The following SLC5A1 variants were observed in gnomAD, a reference collection of about 807,000 sequenced individuals.
The protein encoded by SLC5A1 is solute carrier family 5 member 1, also known as sodium/glucose cotransporter 1.
A neutral mutation model predicts 73.5 loss-of-function variants in SLC5A1; 42 were observed. The ratio of observed to expected loss-of-function variants is 0.57; its 90% confidence interval spans 0.45 to 0.74. The LOEUF is 0.74. Ranked by LOEUF, SLC5A1 falls within the 30% of genes least tolerant of loss-of-function variation. The pLI, the probability that SLC5A1 is intolerant of heterozygous loss-of-function variation, is 0.00. For synonymous variants in SLC5A1, 300 were observed against 317.4 expected (o/e 0.95, Z 0.58); for missense variants, 634 against 855.4 (o/e 0.74, Z 3.23).
At chr22:32,087,666 T>C (rs2094010418) in intron 10 of SLC5A1, among the ~76,000 whole-genome samples, 1 of 152,186 alleles carries the variant, frequency 6.6e-6, no homozygotes, top group Non-Finnish European at 1.5e-5. Flanking sequence ...TACAGTCATG[T>C]TTCAGAAAAA....
At chr22:32,071,678 C>T (rs1204253832) in intron 5 of SLC5A1, among the ~76,000 whole-genome samples, 1 of 151,950 alleles carries the variant, frequency 6.6e-6, no homozygotes, top group Admixed American at 6.6e-5. Flanking sequence ...CAGTTTTTCT[C>T]TCTCTTGTTG....
rs2094030394 is a variant in SLC5A1 at position 32,098,746 on chromosome 22, G to C, written c.1281-437G>C. 2.0e-5 allele frequency among the ~76,000 whole-genome samples: 3 copies of C among 152,196 alleles called. No individual in the cohort carries two copies. In the South Asian group the frequency reaches 6.2e-4, roughly 32 times the overall value. On this transcript the variant is annotated intron_variant, in intron 11 of 14. Coordinates refer to ENST00000266088, the MANE Select transcript of SLC5A1 (RefSeq NM_000343.4). ...TTTGCTGCTGGTAGTGGTGGTGGTG[G>C]TAGTGTGTATATGTATGTATGCATA...
intron 14 of SLC5A1, 88 bp from the exon 15 acceptor site, chr22:32,109,902 A>G: frequency 1.0e-6 from 1 of 963,842 alleles, no homozygotes; most frequent in Admixed American, 1.8e-5. Context: ...GCAGAATAGC[A>G]GATGCTTCAT....
At position 32,110,125 on chromosome 22, in the gene SLC5A1, C is replaced by T; in HGVS notation, c.1907C>T (p.Ser636Phe). Residue 636 changes from serine to phenylalanine, a missense_variant, in exon 15 of 15, where the codon TCT becomes TTT. Physicochemically the swap from Ser to Phe is radical, Grantham distance 155. Coordinates refer to ENST00000266088, the MANE Select transcript of SLC5A1 (RefSeq NM_000343.4). ...KAMKMKMTDT[S>F]EKPLWRTVLN... is the part of the protein sequence containing the mutation. Reference sequence around the variant, plus strand: ...ATGAAGATGAAGATGACGGACACCTCTGAGAAGCCTTTGTGGAGGACAGTG... The same window carrying T: ...ATGAAGATGAAGATGACGGACACCTTTGAGAAGCCTTTGTGGAGGACAGTG... 1 of 1,614,176 alleles carries T rather than the reference C, an allele frequency of 6.2e-7. No individual in the cohort carries two copies. Among genetic ancestry groups the T allele is most frequent in the South Asian group, 1.1e-5 (1 of 91,088 alleles).
At chr22:32,090,954 T>C (rs919215513) in intron 10 of SLC5A1, among the ~76,000 whole-genome samples, 4 of 152,158 alleles carry the variant, frequency 2.6e-5, no homozygotes, top group Non-Finnish European at 5.9e-5. Context: ...GGTACAAAGT[T>C]ATTATCCCAC....
In SLC5A1 at chr22:32,043,491, G is replaced by T; in HGVS notation, c.135+75G>T. 6.6e-7 allele frequency: 1 copy of T among 1,512,736 alleles called. No homozygotes were observed. Among genetic ancestry groups the T allele is most frequent in the Non-Finnish European group, 9.1e-7 (1 of 1,097,072 alleles). The allele number at this position is 1,512,736 out of a possible 1,614,324, so 93.7% of individuals were successfully genotyped here. ...GAGCAATGGCCTCGCTGAGCTGCAAGGGGCAGTAGGCTTAAGTGTCGGTGG... is the reference window on the plus strand; with the variant it reads ...GAGCAATGGCCTCGCTGAGCTGCAATGGGCAGTAGGCTTAAGTGTCGGTGG... On this transcript the variant is annotated intron_variant, in intron 1 of 14. Coordinates refer to ENST00000266088, the MANE Select transcript of SLC5A1 (RefSeq NM_000343.4). This position sits in a 1 kb window ranked among gnomAD's most constrained non-coding sequence, Gnocchi z 6.5.
intron 5 of SLC5A1, among the ~76,000 whole-genome samples, chr22:32,079,123 A>AAAAC (rs199677262): frequency 9.8e-5 from 15 of 152,286 alleles, no homozygotes; most frequent in East Asian, 3.9e-4. Context: ...TGAAGAAAAG[A>AAAAC]AAACAAACAA....
rs747192389 is a variant in SLC5A1 at position 32,068,567 on chromosome 22, G to A, written c.444G>A (p.Leu148=). ...GGATCCAGGTCTACCTTTCCCTTCT[G>A]TCCCTGCTGCTCTACATTTTCACCA... ...GQRIQVYLSL[L]SLLLYIFTKI... is the part of the protein sequence containing the mutation. Residue 148 remains leucine, a synonymous_variant, in exon 5 of 15, where the codon CTG becomes CTA. Coordinates refer to ENST00000266088, the MANE Select transcript of SLC5A1 (RefSeq NM_000343.4). 1.2e-6 allele frequency: 2 copies of A among 1,613,832 alleles called. No individual in the cohort carries two copies. The highest frequency in any genetic ancestry group is 8.5e-7 in the Non-Finnish European group (1 of 1,179,884).
intron 2 of SLC5A1, 36 bp downstream of exon 2, chr22:32,050,050 T>C: frequency 6.5e-7 from 1 of 1,536,470 alleles, no homozygotes; most frequent in Non-Finnish European, 9.0e-7. Context: ...ACATAACTGC[T>C]TAACTGATAC....
chr22:32,054,646 A>G (rs2093949238), intron 2 of SLC5A1, among the ~76,000 whole-genome samples: 4 of 152,112 alleles, frequency 2.6e-5, no homozygotes, highest in African/African-American at 7.2e-5. Flanking sequence ...AAAGGGGGCC[A>G]GTGTGGGGTA....
chr22:32,096,388 C>G (rs961146461), intron 11 of SLC5A1, among the ~76,000 whole-genome samples: 2 of 152,154 alleles, frequency 1.3e-5, no homozygotes, highest in Non-Finnish European at 2.9e-5. Context: ...CCAACTGAGC[C>G]CTTGTCCAAG....
intron 2 of SLC5A1, among the ~76,000 whole-genome samples, chr22:32,052,642 C>G (rs2093946552): frequency 6.6e-6 from 1 of 152,146 alleles, no homozygotes; most frequent in South Asian, 2.1e-4. Context: ...TCTCTCCCTG[C>G]TCTACTTGCT....
intron 4 of SLC5A1, among the ~76,000 whole-genome samples, 190 bp from the exon 5 acceptor site, chr22:32,068,306 G>C (rs1201478662): frequency 1.3e-5 from 2 of 152,178 alleles, no homozygotes; most frequent in African/African-American, 4.8e-5. Flanking sequence ...AGGGCATATG[G>C]GATTAAAATG....
At chr22:32,054,412 A>G (rs2093948947) in intron 2 of SLC5A1, among the ~76,000 whole-genome samples, 1 of 152,178 alleles carries the variant, frequency 6.6e-6, no homozygotes, top group Non-Finnish European at 1.5e-5. Context: ...CTCAGAAGAA[A>G]GTGTATTTGA....
At chr22:32,079,890 C>T (rs541961891) in intron 5 of SLC5A1, among the ~76,000 whole-genome samples, 1 of 152,162 alleles carries the variant, frequency 6.6e-6, no homozygotes, top group East Asian at 1.9e-4. Flanking sequence ...ACAGCAGAGG[C>T]GCCTTCCTCC....
chr22:32,084,970 A>T lies in SLC5A1; in HGVS notation c.956A>T (p.Tyr319Phe). 2.5e-6 allele frequency: 4 copies of T among 1,614,160 alleles called. No individual in the cohort carries two copies. Among genetic ancestry groups the T allele is most frequent in the Non-Finnish European group, 2.5e-6 (3 of 1,180,010 alleles). The part of the protein sequence containing the change: ...HVKGGCILCG[Y>F]LKLMPMFIMV... ...AAGGGTGGCTGCATCCTGTGTGGGT[A>T]TCTAAAGCTGATGCCCATGTTCATC... is the stretch of plus-strand genomic sequence containing the variant. Residue 319 changes from tyrosine (Y) to phenylalanine (F), a missense_variant, in exon 9 of 15, where the codon TAT becomes TTT. Tyr to Phe is a conservative substitution (Grantham distance 22, BLOSUM62 3). This residue lies in a region of SLC5A1 where 422 missense variants were observed against 626.1 expected (regional missense o/e 0.67). Transcript: ENST00000266088.
rs2093933165 is a variant in SLC5A1 at position 32,043,578 on chromosome 22, G to C, written c.135+162G>C. Among the ~76,000 whole-genome samples, 1 of 152,122 alleles carries C rather than the reference G, an allele frequency of 6.6e-6. No individual in the cohort carries two copies. Among genetic ancestry groups the C allele is most frequent in the Non-Finnish European group, 1.5e-5 (1 of 68,032 alleles). On this transcript the variant is annotated intron_variant, in intron 1 of 14. Transcript: ENST00000266088. This position sits in a 1 kb window ranked among gnomAD's most constrained non-coding sequence, Gnocchi z 6.5. The stretch of plus-strand genomic sequence containing the variant: ...ACTCAGAGGCACAGCATGAAGGGAG[G>C]AGGGCAAGCAAGGATGAGCAGAAGT...
intron 2 of SLC5A1, among the ~76,000 whole-genome samples, chr22:32,061,481 T>G (rs1005521733): frequency 1.3e-5 from 2 of 152,078 alleles, no homozygotes; most frequent in African/African-American, 4.8e-5. Context: ...TAGTTTTCCC[T>G]TTAGAGGAGG....
intron 13 of SLC5A1, among the ~76,000 whole-genome samples, chr22:32,102,579 C>T (rs552184899): frequency 2.6e-5 from 4 of 152,256 alleles, no homozygotes; most frequent in African/African-American, 9.6e-5. Flanking sequence ...ACCACCCTGA[C>T]AACATAGTGA....
Sources: gnomAD v4.1 joint callset for allele counts (sites outside exome capture counted in the v4.1 genomes callset) on GRCh38, gnomAD v4.1.1 for gene constraint, gnomAD v4.1.1 regional missense constraint, Gnocchi (gnomAD v3.1) non-coding constraint, MANE v1.5 for transcripts, NCBI Gene and HGNC (gene_info 2026-07-23, HGNC 2026-07-21) for gene names.